Variants in TMPRSS5 observed in about 807,000 individuals in gnomAD.
TMPRSS5 encodes the protein transmembrane serine protease 5.
Under a neutral mutation model 59.7 loss-of-function variants are expected in TMPRSS5, and 45 were observed. The ratio of observed to expected loss-of-function variants is 0.75; its 90% CI spans 0.59 to 0.97. The LOEUF is 0.97. TMPRSS5 is among the 50% of genes least tolerant of loss of function. The pLI, the probability that TMPRSS5 is intolerant of heterozygous loss-of-function variation, is 0.00. For missense variants in TMPRSS5, 585 were observed against 596.7 expected, an observed-to-expected ratio of 0.98 and a Z score of 0.20; for synonymous variants, 225 against 232.0, an observed-to-expected ratio of 0.97 and a Z score of 0.27.
At chr11:113,693,730 C>T (rs1372791897) in intron 8 of TMPRSS5, 1 of 154,216 alleles carries the variant, frequency 6.5e-6, no homozygotes, top group Non-Finnish European at 1.4e-5. Flanking sequence ...TTCATTCCTC[C>T]AAGTCATATT....
chr11:113,702,525 C>G (rs567283652), intron 1 of TMPRSS5, among the ~76,000 whole-genome samples: 6 of 152,182 alleles, frequency 3.9e-5, no homozygotes, highest in Non-Finnish European at 8.8e-5. Context: ...GAAATTCCAG[C>G]CTGCTGCAGA....
intron 1 of TMPRSS5, among the ~76,000 whole-genome samples, chr11:113,701,328 A>G (rs1953124150): frequency 6.8e-6 from 1 of 146,008 alleles, no homozygotes; most frequent in Non-Finnish European, 1.5e-5. Flanking sequence ...AAATACTGAT[A>G]GTGATATGGA....
chr11:113,702,674 G>GC (rs1953175080), intron 1 of TMPRSS5, among the ~76,000 whole-genome samples: 5 of 152,118 alleles, frequency 3.3e-5, no homozygotes, highest in Admixed American at 3.3e-4. Flanking sequence ...GGTTTTGTGG[G>GC]CCAGGCCAGG....
intron 1 of TMPRSS5, among the ~76,000 whole-genome samples, chr11:113,703,628 A>T (rs920078822): frequency 1.3e-5 from 2 of 152,122 alleles, no homozygotes; most frequent in African/African-American, 4.8e-5. Flanking sequence ...GTAATTTTGA[A>T]TTGTAATTAC....
At chr11:113,691,850 C>G (rs537968094) in intron 9 of TMPRSS5, among the ~76,000 whole-genome samples, 119 of 147,224 alleles carry the variant, frequency 8.1e-4, no homozygotes, top group African/African-American at 2.9e-3. Flanking sequence ...TTTAAATACA[C>G]TTATTTCGGT....
intron 11 of TMPRSS5, 128 bp from the exon 12 acceptor site, chr11:113,690,045 T>A (rs1297269860): frequency 2.4e-6 from 3 of 1,262,754 alleles, no homozygotes; most frequent in Middle Eastern, 2.8e-4. Flanking sequence ...AGATATCTGC[T>A]GGCCTCACCC....
chr11:113,696,096 A>G (rs964516424), intron 6 of TMPRSS5, among the ~76,000 whole-genome samples: 4 of 151,344 alleles, frequency 2.6e-5, no homozygotes, highest in Non-Finnish European at 5.9e-5. Context: ...CCCTACTTCC[A>G]TTTTCCCATT....
At chr11:113,693,019 G>GCCAAAATCACCACCCATCCCCCC in intron 9 of TMPRSS5, 52 bp downstream of exon 9, 1 of 773,086 alleles carries the variant, frequency 1.3e-6, no homozygotes, top group Non-Finnish European at 2.1e-6. Context: ...CCCAGCCCCC[G>GCCAAAATCACCACCCATCCCCCC]CCCTCTCTCG....
chr11:113,697,311 G>A lies in TMPRSS5; in HGVS notation c.436C>T (p.Gln146Ter). Residue 146 changes from glutamine to a stop codon, truncating the protein, a stop_gained, in exon 5 of 13, where the codon CAG (glutamine) becomes TAG (stop). Coordinates refer to ENST00000299882, the MANE Select transcript of TMPRSS5 (RefSeq NM_030770.4). LOFTEE classifies it high-confidence loss of function. ...AGATGCCCAAGGCTCCAGCAGATCT[G>A]CAGCCCCAGGGCGGGGCTCCAGCCC... ...HEGWSPALGL[Q>*]ICWSLGHLRL... 1 of 1,613,048 alleles carries A rather than the reference G, an allele frequency of 6.2e-7. No homozygotes were observed. Among genetic ancestry groups the A allele is most frequent in the Non-Finnish European group, 8.5e-7 (1 of 1,179,174 alleles).
chr11:113,699,711 G>C lies in TMPRSS5; in HGVS notation c.107-18C>G, dbSNP rs1469541278. ...CTGAGAAACTGTGGGAAAGGGCAGA[G>C]GGGTATCTGGGTCCCCTGCTCCTGC... On this transcript the variant is annotated intron_variant, in intron 2 of 12. Coordinates refer to ENST00000299882, the MANE Select transcript of TMPRSS5 (RefSeq NM_030770.4). The C allele has an allele frequency of 1.9e-5, 29 of 1,553,280 alleles. No homozygotes were observed. The highest frequency in any genetic ancestry group is 2.4e-5 in the Non-Finnish European group (28 of 1,147,410).
intron 1 of TMPRSS5, among the ~76,000 whole-genome samples, chr11:113,703,162 C>T (rs1953190576): frequency 6.6e-6 from 1 of 152,244 alleles, no homozygotes; most frequent in Admixed American, 6.5e-5. Flanking sequence ...CCCTGCAAAG[C>T]CACAAGGGCA....
chr11:113,701,320 A>C (rs188465202), intron 1 of TMPRSS5, among the ~76,000 whole-genome samples: 292 of 146,486 alleles, frequency 2.0e-3, no homozygotes, highest in African/African-American at 7.0e-3. Context: ...TTTGACCAAA[A>C]TACTGATAGT....
In TMPRSS5 at chr11:113,697,298, C is replaced by T; in HGVS notation, c.449G>A (p.Ser150Asn). Residue 150 changes from serine to asparagine, a missense_variant, in exon 5 of 13, where the codon AGC (serine) becomes AAC (asparagine). Physicochemically the swap from Ser to Asn is conservative, Grantham distance 46. Transcript: ENST00000299882. ...CTCCTGTTACCTGAGATGCCCAAGGCTCCAGCAGATCTGCAGCCCCAGGGC... is the reference window on the plus strand; with the variant it reads ...CTCCTGTTACCTGAGATGCCCAAGGTTCCAGCAGATCTGCAGCCCCAGGGC... ...SPALGLQICWSLGHLRLTHHK... is the reference protein window; with the variant it reads ...SPALGLQICWNLGHLRLTHHK... 1 of 1,612,244 alleles carries T rather than the reference C, an allele frequency of 6.2e-7. No homozygotes were observed. The highest frequency in any genetic ancestry group is 8.5e-7 in the Non-Finnish European group (1 of 1,178,682).
chr11:113,691,317 C>T (rs12421871), intron 9 of TMPRSS5, among the ~76,000 whole-genome samples: 15,374 of 152,220 alleles, frequency 0.1, 1,135 homozygotes, highest in African/African-American at 0.21. Flanking sequence ...TGCAGCCATG[C>T]ATGATTTTAG....
intron 9 of TMPRSS5, 113 bp downstream of exon 9, chr11:113,692,958 A>T: frequency 8.7e-7 from 1 of 1,145,684 alleles, no homozygotes; most frequent in Non-Finnish European, 1.2e-6. Flanking sequence ...GAATGTTTTA[A>T]GGTTTACAGT....
At chr11:113,699,260 T>TCTCTCTCTCCCC in intron 3 of TMPRSS5, among the ~76,000 whole-genome samples, 1 of 35,956 alleles carries the variant, frequency 2.8e-5, no homozygotes, top group African/African-American at 1.5e-4. Flanking sequence ...TCTCTCTCTC[T>TCTCTCTCTCCCC]CTCTCTCTCT....
At chr11:113,699,149 G>C in intron 3 of TMPRSS5, 122 bp from the exon 4 acceptor site, 1 of 1,007,196 alleles carries the variant, frequency 9.9e-7, no homozygotes, top group Non-Finnish European at 1.5e-6. Context: ...GAGGGGCATA[G>C]CGCTCCATCT....
At chr11:113,703,028 C>A (rs916309957) in intron 1 of TMPRSS5, among the ~76,000 whole-genome samples, 1 of 152,228 alleles carries the variant, frequency 6.6e-6, no homozygotes, top group East Asian at 1.9e-4. Context: ...TGGGGCACTG[C>A]CTAGTGGAGC....
chr11:113,690,303 G>T lies in TMPRSS5; in HGVS notation c.1134C>A (p.Cys378Ter). The T allele has an allele frequency of 6.3e-7, 1 of 1,593,992 alleles. No individual in the cohort carries two copies. The highest frequency in any genetic ancestry group is 2.3e-5 in the East Asian group (1 of 43,902). ...GGGGGGTGAGGGCTCCGCTGTACAC[G>T]CAAGAGCTGTTGCAGAGCTGAGTGC... ...LFSTQLCNSS[C>*]VYSGALTPRM... Residue 378 changes from cysteine to a stop codon, truncating the protein, a stop_gained, in exon 11 of 13, where the codon TGC (cysteine) becomes TGA (stop). Coordinates refer to ENST00000299882, the MANE Select transcript of TMPRSS5 (RefSeq NM_030770.4). LOFTEE classifies it high-confidence loss of function.
Sources: gnomAD v4.1 joint callset for allele counts (sites outside exome capture counted in the v4.1 genomes callset) on GRCh38, gnomAD v4.1.1 for gene constraint, MANE v1.5 for transcripts, NCBI Gene and HGNC (gene_info 2026-07-23, HGNC 2026-07-21) for gene names.